The following SNORC variants were observed in gnomAD, a reference collection of about 807,000 sequenced individuals.
SNORC encodes the protein protein SNORC.
In SNORC, 11 loss-of-function variants were observed where a neutral mutation model predicts 9.7. That is an observed-to-expected ratio of 1.14 (90% confidence interval 0.72 to 1.88). SNORC has a LOEUF of 1.88. SNORC is among the 40% of genes most tolerant of loss of function. SNORC has a pLI of 0.00. For synonymous variants in SNORC, 108 were observed against 88.7 expected (o/e 1.22, Z -1.22); for missense variants, 197 against 173.1 (o/e 1.14, Z -0.77).
upstream of SNORC, among the ~76,000 whole-genome samples, chr2:232,867,270 T>C (rs1690897386): frequency 1.3e-5 from 2 of 152,232 alleles, no homozygotes; most frequent in African/African-American, 4.8e-5. Flanking sequence ...AGTATTTCCT[T>C]ATTTGCTAAA....
rs766417084 is a variant in SNORC, at chr2:232,875,932, C to G, written c.74-8C>G. On this transcript the variant is annotated splice_polypyrimidine_tract_variant and splice_region_variant and intron_variant, in intron 1 of 2. Coordinates refer to ENST00000331342, the Ensembl canonical transcript of SNORC. ...CTGGGGCCCCAGCACCTCTCCTTGG[C>G]TTTGCAGACGATGTTCCACAGGAGC... The G allele has an allele frequency of 1.3e-6, 2 of 1,548,126 alleles. No individual in the cohort carries two copies. Among genetic ancestry groups the G allele is most frequent in the South Asian group, 1.2e-5 (1 of 83,990 alleles).
At chr2:232,868,084 A>G (rs1690910289), upstream of SNORC, among the ~76,000 whole-genome samples, 1 of 152,030 alleles carries the variant, frequency 6.6e-6, no homozygotes, top group South Asian at 2.1e-4. Flanking sequence ...ATATCAAGTA[A>G]TACATTAGTA....
At chr2:232,870,491 A>G (rs1190240482) in intron 1 of SNORC, 77 bp downstream of exon 1, 10 of 1,362,278 alleles carry the variant, frequency 7.3e-6, no homozygotes, top group Non-Finnish European at 9.2e-6. Flanking sequence ...AGATTCTTCA[A>G]CGTTCACTGG....
At chr2:232,870,508 A>C in intron 1 of SNORC, 94 bp downstream of exon 1, 1 of 1,241,710 alleles carries the variant, frequency 8.1e-7, no homozygotes, top group South Asian at 1.3e-5. Context: ...CTGGGGAGGA[A>C]GCCCTCTCAC....
intron 1 of SNORC, among the ~76,000 whole-genome samples, chr2:232,872,678 C>T (rs1008572358): frequency 2.0e-5 from 3 of 152,190 alleles, no homozygotes; most frequent in East Asian, 1.9e-4. Flanking sequence ...CCTGGCACGC[C>T]GTGAGTTCCG....
At chr2:232,871,088 G>A (rs1167293356) in intron 1 of SNORC, among the ~76,000 whole-genome samples, 2 of 152,226 alleles carry the variant, frequency 1.3e-5, no homozygotes, top group Non-Finnish European at 2.9e-5. Flanking sequence ...CGGGTTACAG[G>A]TGGTCTTTGC....
Position 232,876,077 on chromosome 2 carries a change from G to T in SNORC, c.211G>T (p.Gly71Ter). The stretch of plus-strand genomic sequence containing the variant: ...TCCCCCAGCCCCCACCGTCGCGCCA[G>T]GACCCGAGGACAGCACCGCGCAGGA... The change falls in exon 2 of 3, where the codon GGA becomes TGA. Residue 71 changes from glycine to a stop codon, truncating the protein, a stop_gained. Coordinates refer to ENST00000331342, the Ensembl canonical transcript of SNORC. LOFTEE classifies it high-confidence loss of function. This position sits in a 1 kb window ranked among gnomAD's most constrained non-coding sequence, Gnocchi z 6.8. 6.5e-7 allele frequency: 1 copy of T among 1,531,456 alleles called. No individual in the cohort carries two copies. 94.9% of individuals were successfully genotyped at this position (1,531,456 alleles called of 1,614,324 possible).
downstream of SNORC, chr2:232,877,410 A>C (rs1691315206): frequency 1.0e-6 from 1 of 972,002 alleles, no homozygotes; most frequent in Middle Eastern, 5.2e-4. Flanking sequence ...AGGAAGTGGG[A>C]ACTTGGTCCC....
chr2:232,874,468 G>C (rs1444467176), intron 1 of SNORC, among the ~76,000 whole-genome samples: 1 of 152,216 alleles, frequency 6.6e-6, no homozygotes, highest in Non-Finnish European at 1.5e-5. Flanking sequence ...TGTCTCCTTA[G>C]TCTCTGATCT....
chr2:232,871,391 C>A (rs968528296), intron 1 of SNORC, among the ~76,000 whole-genome samples: 7 of 152,158 alleles, frequency 4.6e-5, no homozygotes, highest in African/African-American at 1.7e-4. Flanking sequence ...CAGTCTTGAC[C>A]GGGCGGTTTC....
rs1691227628 is a variant in SNORC, at chr2:232,876,123, G to A, written c.256+1G>A. 2 of 1,484,872 alleles carry A rather than the reference G, an allele frequency of 1.3e-6. No homozygotes were observed. The highest frequency in any genetic ancestry group is 8.9e-7 in the Non-Finnish European group (1 of 1,124,534). 92.0% of individuals were successfully genotyped at this position (1,484,872 alleles called of 1,614,324 possible). On this transcript the variant is annotated splice_donor_variant, in intron 2 of 2. Coordinates refer to ENST00000331342, the Ensembl canonical transcript of SNORC. LOFTEE classifies it high-confidence loss of function. This position sits in a 1 kb window ranked among gnomAD's most constrained non-coding sequence, Gnocchi z 6.8. ...CAGGAGCGGCTGGACCAGGGCGGCGGTACGGGCGGGGCGGGGGAGGGAGGG... is the reference window on the plus strand; with the variant it reads ...CAGGAGCGGCTGGACCAGGGCGGCGATACGGGCGGGGCGGGGGAGGGAGGG...
chr2:232,875,088 G>T (rs7602208), intron 1 of SNORC, among the ~76,000 whole-genome samples: 1 of 152,174 alleles, frequency 6.6e-6, no homozygotes, highest in Non-Finnish European at 1.5e-5. Context: ...ACCTGTAATC[G>T]CAGCACTTTG....
chr2:232,875,840 C>T, intron 1 of SNORC, 100 bp from the exon 2 acceptor site: 2 of 1,273,728 alleles, frequency 1.6e-6, no homozygotes, highest in Non-Finnish European at 2.1e-6. Context: ...CCAGACCCCT[C>T]ACACAGCGCT....
At position 232,876,353 on chromosome 2, in the gene SNORC, C is replaced by A; in HGVS notation, c.363C>A (p.Ser121=). Residue 121 remains serine (S), a synonymous_variant, in exon 3 of 3, where the codon TCC becomes TCA. Transcript: ENST00000331342. This position sits in a 1 kb window ranked among gnomAD's most constrained non-coding sequence, Gnocchi z 6.8. ...TCGCGCTGAGAAAGTTTTCTGCCTCCTGAAGCGAATAAAGGGGCCGCGCCC... is the reference window on the plus strand; with the variant it reads ...TCGCGCTGAGAAAGTTTTCTGCCTCATGAAGCGAATAAAGGGGCCGCGCCC... 1 of 1,537,282 alleles carries A rather than the reference C, an allele frequency of 6.5e-7. No individual in the cohort carries two copies. Among genetic ancestry groups the A allele is most frequent in the Non-Finnish European group, 8.7e-7 (1 of 1,145,672 alleles).
At chr2:232,870,513 T>C in intron 1 of SNORC, 99 bp downstream of exon 1, 1 of 1,169,570 alleles carries the variant, frequency 8.6e-7, no homozygotes, top group Non-Finnish European at 1.2e-6. Context: ...GAGGAAGCCC[T>C]CTCACAGGAG....
At chr2:232,868,142 C>T (rs181773605), upstream of SNORC, among the ~76,000 whole-genome samples, 502 of 143,730 alleles carry the variant, frequency 3.5e-3, 1 homozygote, top group Non-Finnish European at 6.3e-3. Flanking sequence ...TCTGATGGGT[C>T]ATTTCATCTT....
At chr2:232,872,746 G>A (rs1010965145) in intron 1 of SNORC, among the ~76,000 whole-genome samples, 10 of 152,210 alleles carry the variant, frequency 6.6e-5, no homozygotes, top group African/African-American at 2.4e-4. Context: ...ACTCCTGCTG[G>A]GAAACTGCTC....
chr2:232,870,655 G>C (rs962707818), intron 1 of SNORC, among the ~76,000 whole-genome samples: 1 of 152,148 alleles, frequency 6.6e-6, no homozygotes, highest in Non-Finnish European at 1.5e-5. Context: ...GGACAACTTG[G>C]GGGGCAGGCC....
At chr2:232,872,723 C>A (rs776634774) in intron 1 of SNORC, among the ~76,000 whole-genome samples, 1 of 152,242 alleles carries the variant, frequency 6.6e-6, no homozygotes, top group Non-Finnish European at 1.5e-5. Context: ...CATCTCCCCC[C>A]TCCCCAGACA....
Sources: gnomAD v4.1 joint callset for allele counts (sites outside exome capture counted in the v4.1 genomes callset) on GRCh38, gnomAD v4.1.1 for gene constraint, Gnocchi (gnomAD v3.1) non-coding constraint, MANE v1.5 for transcripts, NCBI Gene and HGNC (gene_info 2026-07-23, HGNC 2026-07-21) for gene names.